GATAD2A: variants seen among roughly 807,000 people sequenced by gnomAD.
The protein encoded by GATAD2A is transcriptional repressor p66-alpha.
Under a neutral mutation model 68.5 loss-of-function variants are expected in GATAD2A, and 12 were observed. That is an observed-to-expected ratio of 0.18 (90% CI 0.11 to 0.28). The LOEUF is 0.28. Among genes scored for constraint, GATAD2A ranks in the 10% least tolerant of loss-of-function variants. The pLI is 1.00. For synonymous variants in GATAD2A, 410 were observed against 375.3 expected, an observed-to-expected ratio of 1.09 and a Z score of -1.07; for missense variants, 755 against 868.5, an observed-to-expected ratio of 0.87 and a Z score of 1.64.
Position 19,506,303 on chromosome 19 carries a change from T to G in GATAD2A, c.*829T>G. 2.5e-6 allele frequency: 1 copy of G among 397,928 alleles called. No homozygotes were observed. The highest frequency in any genetic ancestry group is 4.4e-6 in the Non-Finnish European group (1 of 225,902). 24.6% of individuals were successfully genotyped at this position (397,928 alleles called of 1,614,324 possible). On this transcript the variant is annotated 3_prime_UTR_variant, in exon 12 of 12. Coordinates refer to ENST00000683918, the MANE Select transcript of GATAD2A (RefSeq NM_001384528.1). ...AAGCAGGGATTCCAGAAGCTGCCCA[T>G]TAAGGGAGAAGGAGAGGATCCGGTC...
intron 1 of GATAD2A, among the ~76,000 whole-genome samples, chr19:19,396,744 T>C (rs1417419908): frequency 3.3e-5 from 5 of 152,216 alleles, no homozygotes; most frequent in Admixed American, 2.6e-4. Context: ...AGTCTCGCTA[T>C]GTTGCCCAGG....
intron 1 of GATAD2A, among the ~76,000 whole-genome samples, chr19:19,461,165 T>G (rs2057398111): frequency 6.6e-6 from 1 of 152,178 alleles, no homozygotes; most frequent in Non-Finnish European, 1.5e-5. Flanking sequence ...GCATCAGCCC[T>G]GCTGCTCCCG....
intron 1 of GATAD2A, among the ~76,000 whole-genome samples, chr19:19,434,853 C>A (rs2054144333): frequency 6.6e-6 from 1 of 152,176 alleles, no homozygotes; most frequent in African/African-American, 2.4e-5. Flanking sequence ...ATGGGGATGA[C>A]CATGACCTTT....
At chr19:19,433,998 C>A (rs769761630) in intron 1 of GATAD2A, among the ~76,000 whole-genome samples, 2 of 152,214 alleles carry the variant, frequency 1.3e-5, no homozygotes, top group Non-Finnish European at 2.9e-5. Flanking sequence ...GCCTTGAACT[C>A]CTGAGCTCAA....
intron 1 of GATAD2A, among the ~76,000 whole-genome samples, chr19:19,414,832 G>GC (rs36093004): frequency 1.7e-4 from 22 of 126,150 alleles, no homozygotes; most frequent in South Asian, 5.2e-4. Flanking sequence ...ACCACACCCT[G>GC]CCCCCTTTTT....
chr19:19,495,450 A>T (rs1041725877), intron 5 of GATAD2A, among the ~76,000 whole-genome samples: 1 of 151,746 alleles, frequency 6.6e-6, no homozygotes, highest in African/African-American at 2.4e-5. Context: ...CTGGGACTAC[A>T]GGCACGTGCC....
intron 1 of GATAD2A, among the ~76,000 whole-genome samples, chr19:19,430,867 C>T (rs898443952): frequency 1.3e-5 from 2 of 152,082 alleles, no homozygotes; most frequent in Non-Finnish European, 2.9e-5. Context: ...TTCTGTTGCC[C>T]AAAGTGCAGT....
chr19:19,392,055 G>A (rs1177729133), intron 1 of GATAD2A, among the ~76,000 whole-genome samples: 1 of 144,978 alleles, frequency 6.9e-6, no homozygotes, highest in Non-Finnish European at 1.5e-5. Context: ...TTATACTGGT[G>A]TGTCTTTTGA....
chr19:19,420,177 GT>G lies in GATAD2A; in HGVS notation c.-7+14182del, dbSNP rs71170684. Among the ~76,000 whole-genome samples, 91 of 89,910 alleles carry G rather than the reference GT, an allele frequency of 1.0e-3. 3 individuals carry two copies. Among genetic ancestry groups the G allele is most frequent in the South Asian group, 2.9e-3 (6 of 2,088 alleles). 59.0% of individuals were successfully genotyped at this position (89,910 alleles called of 152,430 possible). A position where few individuals can be genotyped will look rare whatever the true frequency, so the allele number is the denominator to read the frequency against. ...AGGCACGCACCACTATATCCAGCTAGTTTTTTTTTTTTTTTTTTTTTTTTAA... is the reference window on the plus strand; with the variant it reads ...AGGCACGCACCACTATATCCAGCTAGTTTTTTTTTTTTTTTTTTTTTTTAA... On this transcript the variant is annotated intron_variant, in intron 1 of 11. Transcript: ENST00000683918.
intron 7 of GATAD2A, among the ~76,000 whole-genome samples, chr19:19,496,535 C>T (rs1039654554): frequency 2.6e-5 from 4 of 152,246 alleles, no homozygotes; most frequent in African/African-American, 4.8e-5. Flanking sequence ...GCATGTGGCA[C>T]ACAGCAGGTT....
At chr19:19,432,091 T>C (rs1056185112) in intron 1 of GATAD2A, among the ~76,000 whole-genome samples, 1 of 152,166 alleles carries the variant, frequency 6.6e-6, no homozygotes, top group Non-Finnish European at 1.5e-5. Context: ...TTCTCGTGCC[T>C]CAGCCTCCCG....
intron 1 of GATAD2A, among the ~76,000 whole-genome samples, chr19:19,417,108 G>A (rs1357704155): frequency 6.6e-6 from 1 of 152,192 alleles, no homozygotes; most frequent in African/African-American, 2.4e-5. Flanking sequence ...TAGAGCTTAA[G>A]CTGCTTCGGC....
chr19:19,403,969 G>A (rs2049977726), upstream of GATAD2A, among the ~76,000 whole-genome samples: 1 of 152,146 alleles, frequency 6.6e-6, no homozygotes, highest in African/African-American at 2.4e-5. Flanking sequence ...TTTCTTTGTA[G>A]CAAAGCAAAG....
At chr19:19,410,376 C>G (rs1379931796) in intron 1 of GATAD2A, among the ~76,000 whole-genome samples, 2 of 152,068 alleles carry the variant, frequency 1.3e-5, no homozygotes, top group Non-Finnish European at 2.9e-5. Context: ...GTCAAGGCTT[C>G]AGGGCTTTCC....
rs2058256844 is a variant in GATAD2A at position 19,470,923 on chromosome 19, A to G, written c.269+5309A>G. On this transcript the variant is annotated intron_variant, in intron 2 of 11. Transcript: ENST00000683918. ...GAGAAATGAAAATGTGTCCACACAG[A>G]CAGGTACACCTGCAGCAGCATGATT... Among the ~76,000 whole-genome samples the G allele has an allele frequency of 2.0e-5, 3 of 152,220 alleles. No individual in the cohort carries two copies. In the South Asian group the frequency reaches 6.2e-4, roughly 31 times the overall value.
At chr19:19,420,177 G>GTTTTT (rs71170684) in intron 1 of GATAD2A, among the ~76,000 whole-genome samples, 6 of 89,906 alleles carry the variant, frequency 6.7e-5, no homozygotes, top group Admixed American at 2.6e-4. Flanking sequence ...TATCCAGCTA[G>GTTTTT]TTTTTTTTTT....
At chr19:19,487,674 G>A (rs2059533862) in intron 2 of GATAD2A, among the ~76,000 whole-genome samples, 1 of 152,200 alleles carries the variant, frequency 6.6e-6, no homozygotes, top group Non-Finnish European at 1.5e-5. Context: ...GCTTCCTGAG[G>A]CATGTTGAAG....
intron 7 of GATAD2A, among the ~76,000 whole-genome samples, chr19:19,496,595 C>T (rs902008820): frequency 6.6e-6 from 1 of 152,214 alleles, no homozygotes; most frequent in African/African-American, 2.4e-5. Context: ...CCCGGAGATG[C>T]CTTGGGGGGC....
At chr19:19,487,434 G>A (rs1052920956) in intron 2 of GATAD2A, among the ~76,000 whole-genome samples, 34 of 152,056 alleles carry the variant, frequency 2.2e-4, no homozygotes, top group Non-Finnish European at 4.6e-4. Context: ...ATCTTCATAG[G>A]GGGGTGGGGT....
Sources: allele counts gnomAD v4.1 joint callset (sites outside exome capture counted in the v4.1 genomes callset), GRCh38; gene constraint gnomAD v4.1.1; transcripts MANE v1.5; gene names NCBI Gene and HGNC (gene_info 2026-07-23, HGNC 2026-07-21).